The following HIBADH variants were observed in gnomAD, a reference collection of about 807,000 sequenced individuals.
HIBADH encodes the protein 3-hydroxyisobutyrate dehydrogenase, mitochondrial.
A neutral mutation model predicts 36.1 loss-of-function variants in HIBADH; 25 were observed. The observed-to-expected ratio is 0.69, with a 90% CI of 0.50 to 0.97. The LOEUF (loss-of-function observed/expected upper bound fraction) is 0.97. Among genes scored for constraint, HIBADH ranks in the 50% least tolerant of loss-of-function variants. The pLI is 0.00. For missense variants in HIBADH, 421 were observed against 418.0 expected (o/e 1.01, Z -0.06); for synonymous variants, 160 against 149.5 (o/e 1.07, Z -0.51).
chr7:27,624,252 A>G (rs937873794), intron 4 of HIBADH, among the ~76,000 whole-genome samples: 6 of 152,224 alleles, frequency 3.9e-5, no homozygotes, highest in Admixed American at 2.6e-4. Context: ...ATTCAAATCA[A>G]TCCTCAGCAA....
chr7:27,635,751 G>A (rs578253003), intron 2 of HIBADH, among the ~76,000 whole-genome samples: 6 of 152,304 alleles, frequency 3.9e-5, no homozygotes, highest in Admixed American at 3.3e-4. Context: ...TGGCCTGGCT[G>A]ACTCTGGGAC....
chr7:27,526,815 T>A (rs1358777557), intron 7 of HIBADH, among the ~76,000 whole-genome samples: 1 of 152,180 alleles, frequency 6.6e-6, no homozygotes, highest in Non-Finnish European at 1.5e-5. Flanking sequence ...GAAGCTGGGA[T>A]AAAATGATGA....
At chr7:27,546,003 T>C (rs1784231226) in intron 4 of HIBADH, among the ~76,000 whole-genome samples, 1 of 152,224 alleles carries the variant, frequency 6.6e-6, no homozygotes, top group African/African-American at 2.4e-5. Flanking sequence ...GTGTGACAAA[T>C]TATTTAACTT....
At position 27,637,046 on chromosome 7, in the gene HIBADH, T is replaced by C. The variant is rs1021656602; in HGVS notation, c.253-4601A>G. Among the ~76,000 whole-genome samples, 7 of 152,334 alleles carry C rather than the reference T, an allele frequency of 4.6e-5. 1 individual carries two copies. Among genetic ancestry groups the C allele is most frequent in the African/African-American group, 1.7e-4 (7 of 41,584 alleles). ...AATAATGCAGCTGAGACAGTGGTGT[T>C]TGGGGTATGTTGGAGAATAAAGATT... On this transcript the variant is annotated intron_variant, in intron 2 of 7. Coordinates refer to ENST00000265395, the MANE Select transcript of HIBADH (RefSeq NM_152740.4).
chr7:27,573,497 C>A (rs778240636), intron 4 of HIBADH, among the ~76,000 whole-genome samples: 17 of 152,168 alleles, frequency 1.1e-4, no homozygotes, highest in Non-Finnish European at 1.9e-4. Context: ...AGAGCAAAGA[C>A]CATGACTTAT....
At chr7:27,659,556 A>AAAT (rs1554302025) in intron 1 of HIBADH, among the ~76,000 whole-genome samples, 4,595 of 151,590 alleles carry the variant, frequency 0.03, 109 homozygotes, top group South Asian at 0.092. Flanking sequence ...CTCTACAAAA[A>AAAT]AAATAAATAA....
intron 1 of HIBADH, among the ~76,000 whole-genome samples, chr7:27,656,548 T>C (rs1786308980): frequency 1.3e-5 from 2 of 152,278 alleles, no homozygotes; most frequent in South Asian, 4.1e-4. Context: ...CTGAGCATTA[T>C]CTATAGGATA....
intron 1 of HIBADH, among the ~76,000 whole-genome samples, chr7:27,660,578 T>C (rs551219829): frequency 2.0e-5 from 3 of 151,532 alleles, no homozygotes; most frequent in Admixed American, 6.6e-5. Context: ...GGCAGGAGAA[T>C]GGCGTGAACC....
At chr7:27,557,216 A>G (rs557442735) in intron 4 of HIBADH, among the ~76,000 whole-genome samples, 3 of 151,770 alleles carry the variant, frequency 2.0e-5, no homozygotes, top group South Asian at 2.1e-4. Context: ...TTTTTAAGAA[A>G]TAACACGGTT....
intron 4 of HIBADH, among the ~76,000 whole-genome samples, chr7:27,580,476 G>A (rs747368005): frequency 6.4e-4 from 98 of 152,274 alleles, no homozygotes; most frequent in Non-Finnish European, 1.3e-3. Flanking sequence ...TTCAGGTGAG[G>A]ATAGTTACAG....
At chr7:27,597,205 T>C (rs1330292561) in intron 4 of HIBADH, among the ~76,000 whole-genome samples, 1 of 152,140 alleles carries the variant, frequency 6.6e-6, no homozygotes, top group African/African-American at 2.4e-5. Flanking sequence ...AAAAAGGATT[T>C]TGAGATAATC....
At chr7:27,644,130 G>T (rs184818725) in intron 2 of HIBADH, among the ~76,000 whole-genome samples, 404 of 152,230 alleles carry the variant, frequency 2.7e-3, no homozygotes, top group African/African-American at 9.3e-3. Flanking sequence ...CATATTCACA[G>T]ATATATGCAA....
chr7:27,552,220 T>C (rs1026870075), intron 4 of HIBADH, among the ~76,000 whole-genome samples: 1 of 152,222 alleles, frequency 6.6e-6, no homozygotes, highest in African/African-American at 2.4e-5. Context: ...TCAGAGTCCA[T>C]GTCAGATGTT....
intron 4 of HIBADH, among the ~76,000 whole-genome samples, chr7:27,560,280 C>A (rs1303928293): frequency 6.6e-6 from 1 of 152,112 alleles, no homozygotes. Flanking sequence ...CACCACCACG[C>A]CTAATTTTTT....
intron 2 of HIBADH, among the ~76,000 whole-genome samples, chr7:27,640,318 C>T (rs893804767): frequency 6.6e-5 from 10 of 152,168 alleles, no homozygotes; most frequent in African/African-American, 2.2e-4. Flanking sequence ...ATCACTTGAG[C>T]CCAGGAGTTC....
intron 4 of HIBADH, among the ~76,000 whole-genome samples, chr7:27,617,560 G>C (rs1345761062): frequency 6.6e-6 from 1 of 152,096 alleles, no homozygotes; most frequent in Non-Finnish European, 1.5e-5. Context: ...ACCTCAAATA[G>C]AAGAGAACAC....
intron 4 of HIBADH, among the ~76,000 whole-genome samples, chr7:27,613,585 A>G (rs941111258): frequency 6.6e-6 from 1 of 151,942 alleles, no homozygotes; most frequent in African/African-American, 2.4e-5. Context: ...TTCCAGAACT[A>G]AAAGTCCTTC....
intron 5 of HIBADH, chr7:27,541,834 C>A: frequency 2.8e-6 from 1 of 362,790 alleles, no homozygotes; most frequent in Non-Finnish European, 5.3e-6. Context: ...AAGAGATGAA[C>A]CACTCACACA....
chr7:27,559,968 A>G (rs1185211607), intron 4 of HIBADH, among the ~76,000 whole-genome samples: 5 of 152,204 alleles, frequency 3.3e-5, no homozygotes, highest in Non-Finnish European at 5.9e-5. Context: ...TCACTGATAT[A>G]TAATAATGCT....
Sources: allele counts gnomAD v4.1 joint callset (sites outside exome capture counted in the v4.1 genomes callset), GRCh38; gene constraint gnomAD v4.1.1; transcripts MANE v1.5; gene names NCBI Gene and HGNC (gene_info 2026-07-23, HGNC 2026-07-21).